PCDHGC3: variants seen among roughly 807,000 people sequenced by gnomAD.
PCDHGC3 encodes the protein protocadherin gamma-C3.
Under a neutral mutation model 59.2 loss-of-function variants are expected in PCDHGC3, and 26 were observed. The observed-to-expected ratio is 0.44, with a 90% confidence interval of 0.32 to 0.61. The LOEUF (loss-of-function observed/expected upper bound fraction) is 0.61, where lower values mean the gene tolerates loss of function less well. PCDHGC3 is among the 20% of genes least tolerant of loss of function. The probability of loss-of-function intolerance (pLI) is 0.05; values close to 1 mark genes in which losing one functional copy is unlikely to be tolerated. For synonymous variants in PCDHGC3, 487 were observed against 519.7 expected (o/e 0.94, Z 0.86); for missense variants, 1,080 against 1,221.8 (o/e 0.88, Z 1.73).
chr5:141,510,919 C>T (rs748157000), intron 3 of PCDHGC3, 28 bp from the exon 4 acceptor site: 1 of 1,613,894 alleles, frequency 6.2e-7, no homozygotes, highest in East Asian at 2.2e-5. Context: ...AAGTTTAGCT[C>T]CCACCTGATC....
chr5:141,493,140 C>T lies in PCDHGC3; in HGVS notation c.2431-1667C>T, dbSNP rs2099746336. Among the ~76,000 whole-genome samples, 1 of 146,374 alleles carries T rather than the reference C, an allele frequency of 6.8e-6. No homozygotes were observed. Among genetic ancestry groups the T allele is most frequent in the African/African-American group, 2.5e-5 (1 of 40,746 alleles). ...GCTCCTAGGACTGTATTTTGAAACACCCCCAGGTGATTTTGATAGCTGATT... is the reference window on the plus strand; with the variant it reads ...GCTCCTAGGACTGTATTTTGAAACATCCCCAGGTGATTTTGATAGCTGATT... On this transcript the variant is annotated intron_variant, in intron 1 of 3. Transcript: ENST00000308177. This position sits in a 1 kb window ranked among gnomAD's most constrained non-coding sequence, Gnocchi z 4.3.
At chr5:141,504,269 A>T (rs7715517) in intron 2 of PCDHGC3, among the ~76,000 whole-genome samples, 3,100 of 152,246 alleles carry the variant, frequency 0.02, 113 homozygotes, top group African/African-American at 0.07. Context: ...GTATTTTTTT[A>T]AATTATGAAT....
chr5:141,504,461 C>T (rs1485490028), intron 2 of PCDHGC3, among the ~76,000 whole-genome samples: 1 of 151,900 alleles, frequency 6.6e-6, no homozygotes, highest in Non-Finnish European at 1.5e-5. Flanking sequence ...GTGGGGCAGC[C>T]GCTGGGATGG....
Position 141,491,886 on chromosome 5 carries a change from G to A in PCDHGC3, c.2431-2921G>A. On this transcript the variant is annotated intron_variant, in intron 1 of 3. Coordinates refer to ENST00000308177, the MANE Select transcript of PCDHGC3 (RefSeq NM_002588.4). The surrounding 1 kb of genome is among the most constrained non-coding windows in gnomAD (Gnocchi z 6.9). ...CCAGAGTGGCCGATTAAGGGATGGG[G>A]CTCCGAGCACCGGGGGTGGTGGCGA... 6.9e-7 allele frequency: 1 copy of A among 1,445,558 alleles called. No individual in the cohort carries two copies. Among genetic ancestry groups the A allele is most frequent in the Non-Finnish European group, 9.1e-7 (1 of 1,093,458 alleles). 89.5% of individuals were successfully genotyped at this position (1,445,558 alleles called of 1,614,324 possible). A position where few individuals can be genotyped will look rare whatever the true frequency, so the allele number is the denominator to read the frequency against.
At chr5:141,507,785 C>T (rs1203302886) in intron 3 of PCDHGC3, among the ~76,000 whole-genome samples, 1 of 152,222 alleles carries the variant, frequency 6.6e-6, no homozygotes, top group African/African-American at 2.4e-5. Context: ...GCCTGACCCT[C>T]GTCTAAGCCT....
intron 2 of PCDHGC3, among the ~76,000 whole-genome samples, chr5:141,500,812 T>C: frequency 6.6e-6 from 1 of 152,322 alleles, no homozygotes; most frequent in South Asian, 2.1e-4. Flanking sequence ...CATATGAATA[T>C]ACATATTATT....
chr5:141,495,434 G>A (rs1038100521), intron 2 of PCDHGC3, among the ~76,000 whole-genome samples: 2 of 152,196 alleles, frequency 1.3e-5, no homozygotes, highest in Non-Finnish European at 2.9e-5. Flanking sequence ...ACTGTCCTCT[G>A]CCCCTACTTG....
At position 141,491,645 on chromosome 5, in the gene PCDHGC3, C is replaced by T; in HGVS notation, c.2431-3162C>T. On this transcript the variant is annotated intron_variant, in intron 1 of 3. Transcript: ENST00000308177. The surrounding 1 kb of genome is among the most constrained non-coding windows in gnomAD (Gnocchi z 6.9). ...AGCGTTCAGCAGCCCACAGCTCTGG[C>T]GCTGGAGCCTGACGCCATCCGGTCC... 1.2e-6 allele frequency: 2 copies of T among 1,613,890 alleles called. No homozygotes were observed. Among genetic ancestry groups the T allele is most frequent in the African/African-American group, 1.3e-5 (1 of 75,082 alleles).
At chr5:141,505,563 T>C in intron 3 of PCDHGC3, 82 bp downstream of exon 3, 1 of 1,603,814 alleles carries the variant, frequency 6.2e-7, no homozygotes, top group Non-Finnish European at 8.5e-7. Flanking sequence ...GCCCACGGAC[T>C]GGATGTCAAA....
Position 141,476,889 on chromosome 5 carries a change from C to T in PCDHGC3, c.773C>T (p.Pro258Leu). The part of the protein sequence containing the change: ...LYRARVLEDA[P>L]SGTRVVQVLA... ...CGGGCGCGCGTCCTGGAGGATGCAC[C>T]CTCCGGCACGCGCGTGGTACAAGTC... is the stretch of plus-strand genomic sequence containing the variant. The change falls in exon 1 of 4, where the codon CCC becomes CTC. Residue 258 changes from proline (P) to leucine (L), a missense_variant. Transcript: ENST00000308177. This position sits in a 1 kb window ranked among gnomAD's most constrained non-coding sequence, Gnocchi z 7.6. 6.2e-7 allele frequency: 1 copy of T among 1,613,960 alleles called. No individual in the cohort carries two copies. The highest frequency in any genetic ancestry group is 8.5e-7 in the Non-Finnish European group (1 of 1,180,034).
In PCDHGC3 at chr5:141,476,966, G is replaced by C. The variant is rs780645226; in HGVS notation, c.850G>C (p.Gly284Arg). The C allele has an allele frequency of 1.2e-6, 2 of 1,614,152 alleles. No homozygotes were observed. Among genetic ancestry groups the C allele is most frequent in the Non-Finnish European group, 1.7e-6 (2 of 1,180,032 alleles). The change falls in exon 1 of 4, where the codon GGC becomes CGC. Residue 284 changes from glycine (G) to arginine (R), a missense_variant. Coordinates refer to ENST00000308177, the MANE Select transcript of PCDHGC3 (RefSeq NM_002588.4). This position sits in a 1 kb window ranked among gnomAD's most constrained non-coding sequence, Gnocchi z 7.6. ...GPNGEIIYSF[G>R]SHNRAGVRQL... ...CAACGGTGAAATTATTTACTCCTTCGGCAGCCACAACCGCGCCGGCGTGCG... is the reference window on the plus strand; with the variant it reads ...CAACGGTGAAATTATTTACTCCTTCCGCAGCCACAACCGCGCCGGCGTGCG...
rs776348214 is a variant in PCDHGC3 at position 141,487,781 on chromosome 5, G to A, written c.2431-7026G>A. 108 of 1,526,850 alleles carry A rather than the reference G, an allele frequency of 7.1e-5. No individual in the cohort carries two copies. Among genetic ancestry groups the A allele is most frequent in the East Asian group, 3.7e-4 (15 of 40,622 alleles). 94.6% of individuals were successfully genotyped at this position (1,526,850 alleles called of 1,614,324 possible). On this transcript the variant is annotated intron_variant, in intron 1 of 3. Coordinates refer to ENST00000308177, the MANE Select transcript of PCDHGC3 (RefSeq NM_002588.4). This position sits in a 1 kb window ranked among gnomAD's most constrained non-coding sequence, Gnocchi z 5.0. ...AGACGCTGTGCTTTGTAACTGTTTC[G>A]TGAATTAACCAGAGTTGTCACAGTT... is the stretch of plus-strand genomic sequence containing the variant.
At position 141,476,002 on chromosome 5, in the gene PCDHGC3, C is replaced by A; in HGVS notation, c.-115C>A. 1 of 1,247,396 alleles carries A rather than the reference C, an allele frequency of 8.0e-7. No individual in the cohort carries two copies. Among genetic ancestry groups the A allele is most frequent in the Non-Finnish European group, 1.1e-6 (1 of 904,880 alleles). 77.3% of individuals were successfully genotyped at this position (1,247,396 alleles called of 1,614,324 possible). ...AGCCGGCGAGCAAATCAACGGCATC[C>A]AGAAAGCCATGTCGGACTCGGCGCC... On this transcript the variant is annotated 5_prime_UTR_variant, in exon 1 of 4. Transcript: ENST00000308177. This position sits in a 1 kb window ranked among gnomAD's most constrained non-coding sequence, Gnocchi z 7.6.
Position 141,491,925 on chromosome 5 carries a change from G to C in PCDHGC3, c.2431-2882G>C. On this transcript the variant is annotated intron_variant, in intron 1 of 3. Coordinates refer to ENST00000308177, the MANE Select transcript of PCDHGC3 (RefSeq NM_002588.4). This position sits in a 1 kb window ranked among gnomAD's most constrained non-coding sequence, Gnocchi z 6.9. ...GGGTGGTGGCGACTGTGGGCGAGGG[G>C]AGGTGGGACCGACCCCCACCCCTAC... 1 of 1,325,176 alleles carries C rather than the reference G, an allele frequency of 7.5e-7. No individual in the cohort carries two copies. Among genetic ancestry groups the C allele is most frequent in the Non-Finnish European group, 1.0e-6 (1 of 987,300 alleles). The allele number at this position is 1,325,176 out of a possible 1,614,324, so 82.1% of individuals were successfully genotyped here.
intron 2 of PCDHGC3, among the ~76,000 whole-genome samples, chr5:141,500,182 A>T (rs1050067271): frequency 4.6e-5 from 6 of 131,718 alleles, no homozygotes; most frequent in African/African-American, 1.9e-4. Context: ...CTTCATTTTT[A>T]TTTTTATTTA....
intron 2 of PCDHGC3, among the ~76,000 whole-genome samples, chr5:141,496,703 GT>G (rs1360916053): frequency 6.6e-6 from 1 of 152,132 alleles, no homozygotes; most frequent in East Asian, 1.9e-4. Context: ...CTTCTCATAA[GT>G]TATCCATTAA....
At position 141,489,728 on chromosome 5, in the gene PCDHGC3, G is replaced by T; in HGVS notation, c.2431-5079G>T. ...GACAGTGCCCAGGATCCGGATGTGGGCACCAATACTGTGAGCTTTTACACT... is the reference window on the plus strand; with the variant it reads ...GACAGTGCCCAGGATCCGGATGTGGTCACCAATACTGTGAGCTTTTACACT... On this transcript the variant is annotated intron_variant, in intron 1 of 3. Transcript: ENST00000308177. The surrounding 1 kb of genome is among the most constrained non-coding windows in gnomAD (Gnocchi z 4.5). The T allele has an allele frequency of 3.1e-6, 5 of 1,614,138 alleles. No homozygotes were observed. The South Asian group carries it at 5.5e-5, about 18-fold the overall frequency.
rs200533514 is a variant in PCDHGC3 at position 141,476,315 on chromosome 5, C to T, written c.199C>T (p.Arg67Trp). The change falls in exon 1 of 4, where the codon CGG becomes TGG. Residue 67 changes from arginine (R) to tryptophan (W), a missense_variant. Physicochemically the swap from Arg to Trp is moderately radical, Grantham distance 101. Transcript: ENST00000308177. This position sits in a 1 kb window ranked among gnomAD's most constrained non-coding sequence, Gnocchi z 7.6. ...DLGSLSARRF[R>W]VVSGASRRFF... is the part of the protein sequence containing the mutation. The stretch of plus-strand genomic sequence containing the variant: ...CGGTAGCCTCTCAGCCCGCAGGTTC[C>T]GGGTGGTGTCTGGAGCTAGCCGAAG... 264 of 1,613,910 alleles carry T rather than the reference C, an allele frequency of 1.6e-4. No homozygotes were observed. The highest frequency in any genetic ancestry group is 2.1e-4 in the Non-Finnish European group (248 of 1,180,024).
rs1186225096 is a variant in PCDHGC3, at chr5:141,490,605, C to G, written c.2431-4202C>G. The G allele has an allele frequency of 1.1e-5, 18 of 1,614,198 alleles. No homozygotes were observed. Among genetic ancestry groups the G allele is most frequent in the Non-Finnish European group, 1.5e-5 (18 of 1,180,030 alleles). On this transcript the variant is annotated intron_variant, in intron 1 of 3. Transcript: ENST00000308177. The surrounding 1 kb of genome is among the most constrained non-coding windows in gnomAD (Gnocchi z 5.4). ...TCAATGACAATGCACCCCGCTTCAACCAGCAGCTTTACACTGCTTACATCC... is the reference window on the plus strand; with the variant it reads ...TCAATGACAATGCACCCCGCTTCAAGCAGCAGCTTTACACTGCTTACATCC...
Sources: gnomAD v4.1 joint callset for allele counts (sites outside exome capture counted in the v4.1 genomes callset) on GRCh38, gnomAD v4.1.1 for gene constraint, Gnocchi (gnomAD v3.1) non-coding constraint, MANE v1.5 for transcripts, NCBI Gene and HGNC (gene_info 2026-07-23, HGNC 2026-07-21) for gene names.